THSD7B: variants seen among roughly 807,000 people sequenced by gnomAD.
The protein encoded by THSD7B is thrombospondin type 1 domain containing 7B.
THSD7B carries 138 observed loss-of-function variants against 213.6 expected under a neutral mutation model. The ratio of observed to expected loss-of-function variants is 0.65; its 90% CI spans 0.56 to 0.74. The LOEUF is 0.74. THSD7B is among the 30% of genes least tolerant of loss of function. The pLI is 0.00. For missense variants in THSD7B, 1,931 were observed against 1,991.5 expected (o/e 0.97, Z 0.58); for synonymous variants, 742 against 687.0 (o/e 1.08, Z -1.25).
intron 3 of THSD7B, among the ~76,000 whole-genome samples, chr2:137,075,602 C>T (rs754458115): frequency 4.6e-5 from 7 of 152,296 alleles, no homozygotes; most frequent in South Asian, 2.1e-4. Flanking sequence ...AGTCATTCTC[C>T]GTCCAGCTTT....
At position 137,523,276 on chromosome 2, in the gene THSD7B, C is replaced by G. The variant is rs567201079; in HGVS notation, c.3139-39945C>G. Among the ~76,000 whole-genome samples, 3 of 152,300 alleles carry G rather than the reference C, an allele frequency of 2.0e-5. No individual in the cohort carries two copies. The East Asian group carries it at 5.8e-4, about 29-fold the overall frequency. On this transcript the variant is annotated intron_variant, in intron 15 of 27. Coordinates refer to ENST00000409968, the MANE Select transcript of THSD7B (RefSeq NM_001316349.2). ...TTCAGATGTTTTTCCTGTGCTCATG[C>G]TATTTCTCCATGCAATTTTCACATT...
At chr2:137,165,530 A>G (rs917493476) in intron 6 of THSD7B, among the ~76,000 whole-genome samples, 3 of 152,054 alleles carry the variant, frequency 2.0e-5, no homozygotes, top group Non-Finnish European at 4.4e-5. Flanking sequence ...TTCTACTGTG[A>G]GTAGAATCAT....
intron 12 of THSD7B, among the ~76,000 whole-genome samples, chr2:137,290,836 C>G (rs188963362): frequency 6.6e-6 from 1 of 152,132 alleles, no homozygotes; most frequent in Non-Finnish European, 1.5e-5. Context: ...CCCGTCTGTT[C>G]CATCTTCATG....
chr2:137,084,885 G>A (rs1174949654), intron 3 of THSD7B, among the ~76,000 whole-genome samples: 1 of 152,140 alleles, frequency 6.6e-6, no homozygotes, highest in East Asian at 1.9e-4. Flanking sequence ...AAGATTATTG[G>A]AAGCCTTAGG....
intron 12 of THSD7B, among the ~76,000 whole-genome samples, chr2:137,322,925 G>A (rs1684292035): frequency 1.3e-5 from 2 of 152,128 alleles, no homozygotes; most frequent in African/African-American, 4.8e-5. Flanking sequence ...AACACAACAA[G>A]AATATTATCT....
At chr2:137,466,210 A>G (rs1687987746) in intron 15 of THSD7B, among the ~76,000 whole-genome samples, 1 of 152,094 alleles carries the variant, frequency 6.6e-6, no homozygotes, top group African/African-American at 2.4e-5. Context: ...ATTCAAGGTA[A>G]CGGTAAATAT....
chr2:137,615,682 G>T (rs1442497017), intron 17 of THSD7B, among the ~76,000 whole-genome samples: 1 of 152,138 alleles, frequency 6.6e-6, no homozygotes, highest in African/African-American at 2.4e-5. Context: ...TAGTGTATTG[G>T]CAATGTTGAT....
intron 7 of THSD7B, among the ~76,000 whole-genome samples, chr2:137,195,065 C>G: frequency 6.6e-6 from 1 of 151,996 alleles, no homozygotes; most frequent in East Asian, 1.9e-4. Context: ...ATCTTTTAAT[C>G]TATACATGAT....
intron 3 of THSD7B, among the ~76,000 whole-genome samples, chr2:137,062,895 AGAG>A (rs1304699408): frequency 6.6e-6 from 1 of 151,888 alleles, no homozygotes; most frequent in Non-Finnish European, 1.5e-5. Flanking sequence ...CGATTACTAG[AGAG>A]GAGTGTTGAG....
chr2:137,393,160 A>ATTTT (rs577043200), intron 12 of THSD7B, among the ~76,000 whole-genome samples: 1 of 141,446 alleles, frequency 7.1e-6, no homozygotes, highest in Non-Finnish European at 1.5e-5. Flanking sequence ...TTTTTTTTTA[A>ATTTT]TTTTTTTTTT....
intron 2 of THSD7B, among the ~76,000 whole-genome samples, chr2:137,024,565 C>A (rs977868251): frequency 2.6e-5 from 4 of 151,998 alleles, no homozygotes; most frequent in African/African-American, 9.7e-5. Flanking sequence ...TTCTTAGGTT[C>A]CTCAAAAACC....
intron 17 of THSD7B, among the ~76,000 whole-genome samples, chr2:137,598,664 T>C (rs937412570): frequency 6.6e-6 from 1 of 152,192 alleles, no homozygotes; most frequent in Admixed American, 6.5e-5. Flanking sequence ...ATAAATTAAA[T>C]ACATTTCCTG....
chr2:136,767,067 G>T (rs913487024), intron 1 of THSD7B, among the ~76,000 whole-genome samples: 1 of 152,188 alleles, frequency 6.6e-6, no homozygotes, highest in Non-Finnish European at 1.5e-5. Flanking sequence ...GGATGTCAAA[G>T]GGATACAGTT....
intron 1 of THSD7B, among the ~76,000 whole-genome samples, chr2:136,877,268 G>A (rs564054557): frequency 6.6e-6 from 1 of 152,180 alleles, no homozygotes; most frequent in African/African-American, 2.4e-5. Flanking sequence ...CTATAATTTA[G>A]TAGCCATTTT....
rs112912363 is a variant in THSD7B, at chr2:137,187,726, A to T, written c.1723+16788A>T. Reference sequence around the variant, plus strand: ...AGAAATATGTTGTTATTTATTTTGCATTATCTTTGGTGGTTAGATAATATC... The same window carrying T: ...AGAAATATGTTGTTATTTATTTTGCTTTATCTTTGGTGGTTAGATAATATC... On this transcript the variant is annotated intron_variant, in intron 7 of 27. Coordinates refer to ENST00000409968, the MANE Select transcript of THSD7B (RefSeq NM_001316349.2). Among the ~76,000 whole-genome samples the T allele has an allele frequency of 5.1e-3, 777 of 152,274 alleles. 7 individuals carry two copies. The highest frequency in any genetic ancestry group is 7.4e-3 in the Admixed American group (113 of 15,290).
chr2:137,468,279 T>C (rs1310313091), intron 15 of THSD7B, among the ~76,000 whole-genome samples: 2 of 152,072 alleles, frequency 1.3e-5, no homozygotes, highest in African/African-American at 2.4e-5. Flanking sequence ...GATATACAGT[T>C]GCTATAAAAA....
rs1258652494 is a variant in THSD7B, at chr2:137,488,055, G to A, written c.3138+37032G>A. On this transcript the variant is annotated intron_variant, in intron 15 of 27. Coordinates refer to ENST00000409968, the MANE Select transcript of THSD7B (RefSeq NM_001316349.2). ...TGGGATTACAGGCGTGAGCCACCGCGCCCGGCCTATTTTGAGGTTTCTTAA... is the reference window on the plus strand; with the variant it reads ...TGGGATTACAGGCGTGAGCCACCGCACCCGGCCTATTTTGAGGTTTCTTAA... 5.7e-4 allele frequency among the ~76,000 whole-genome samples: 7 copies of A among 12,216 alleles called. 3 individuals are homozygous for A. The highest frequency in any genetic ancestry group is 2.5e-3 in the Admixed American group (3 of 1,190). 8.0% of individuals were successfully genotyped at this position (12,216 alleles called of 152,430 possible). A position where few individuals can be genotyped will look rare whatever the true frequency, so the allele number is the denominator to read the frequency against.
At chr2:137,090,637 G>A (rs1043364256) in intron 3 of THSD7B, among the ~76,000 whole-genome samples, 3 of 151,986 alleles carry the variant, frequency 2.0e-5, no homozygotes, top group South Asian at 2.1e-4. Flanking sequence ...ATGTGACAGG[G>A]GTCAAATTAT....
chr2:137,003,232 C>T (rs1686035732), intron 2 of THSD7B, among the ~76,000 whole-genome samples: 7 of 152,140 alleles, frequency 4.6e-5, no homozygotes, highest in Admixed American at 4.6e-4. Context: ...AACTCAGAGG[C>T]ATATTTTGAT....
Sources: allele counts gnomAD v4.1 joint callset (sites outside exome capture counted in the v4.1 genomes callset), GRCh38; gene constraint gnomAD v4.1.1; transcripts MANE v1.5; gene names NCBI Gene and HGNC (gene_info 2026-07-23, HGNC 2026-07-21).